RNF4: variants seen among roughly 807,000 people sequenced by gnomAD.
RNF4 encodes the protein ring finger protein 4.
Under a neutral mutation model 24.3 loss-of-function variants are expected in RNF4, and 7 were observed. That is an observed-to-expected ratio of 0.29 (90% confidence interval 0.16 to 0.54). RNF4 has a LOEUF of 0.54. Ranked by LOEUF, RNF4 falls within the 20% of genes least tolerant of loss-of-function variation. RNF4 has a pLI of 0.95. For synonymous variants in RNF4, 83 were observed against 84.3 expected (o/e 0.98, Z 0.09); for missense variants, 209 against 248.5 (o/e 0.84, Z 1.07).
intron 1 of RNF4, among the ~76,000 whole-genome samples, chr4:2,489,433 C>T (rs914758654): frequency 1.3e-5 from 2 of 152,182 alleles, no homozygotes; most frequent in African/African-American, 4.8e-5. Flanking sequence ...TGTTTTGCAA[C>T]TCCATCTCGT....
chr4:2,512,200 A>G lies in RNF4; in HGVS notation c.214+235A>G, dbSNP rs879940812. 1.2e-5 allele frequency: 8 copies of G among 645,624 alleles called. No individual in the cohort carries two copies. Among genetic ancestry groups the G allele is most frequent in the Non-Finnish European group, 2.1e-5 (8 of 373,272 alleles). 40.0% of individuals were successfully genotyped at this position (645,624 alleles called of 1,614,324 possible). A position where few individuals can be genotyped will look rare whatever the true frequency, so the allele number is the denominator to read the frequency against. ...CTATAGTCCTTTCTTGTGGCCTACC[A>G]GATTTTGGAGAAGGCTGGTAGCTCA... On this transcript the variant is annotated intron_variant, in intron 5 of 7. Coordinates refer to ENST00000314289, the MANE Select transcript of RNF4 (RefSeq NM_002938.5). The surrounding 1 kb of genome is among the most constrained non-coding windows in gnomAD (Gnocchi z 4.1).
intron 2 of RNF4, among the ~76,000 whole-genome samples, chr4:2,492,055 A>C (rs201132006): frequency 6.6e-6 from 1 of 151,822 alleles, no homozygotes. Flanking sequence ...AAAATTAGCC[A>C]GGCATAGTTG....
rs569229715 is a variant in RNF4, at chr4:2,513,168, T to A, written c.423+37T>A. On this transcript the variant is annotated intron_variant, in intron 7 of 7. Transcript: ENST00000314289. ...AAGCTGTATCTTCCAGGCTTCTGGT[T>A]TCTAAACTTCACTGAAAGAATTGGA... 2.8e-5 allele frequency: 45 copies of A among 1,590,418 alleles called. 1 individual carries two copies. The South Asian group carries it at 4.9e-4, about 17-fold the overall frequency.
chr4:2,473,534 C>T (rs932785558), intron 1 of RNF4, among the ~76,000 whole-genome samples: 13 of 151,184 alleles, frequency 8.6e-5, no homozygotes, highest in African/African-American at 2.7e-4. Flanking sequence ...AGAGCCTGGC[C>T]GGGCCTGGTG....
intron 2 of RNF4, 150 bp from the exon 3 acceptor site, chr4:2,496,857 C>G: frequency 1.7e-6 from 1 of 582,938 alleles, no homozygotes; most frequent in Non-Finnish European, 3.0e-6. Context: ...ATTCAGTATT[C>G]TTGAATCTCA....
Position 2,490,502 on chromosome 4 carries a change from A to C in RNF4, c.9A>C (p.Thr3=). The C allele has an allele frequency of 6.2e-7, 1 of 1,612,114 alleles. No individual in the cohort carries two copies. Among genetic ancestry groups the C allele is most frequent in the Non-Finnish European group, 8.5e-7 (1 of 1,179,048 alleles). Residue 3 remains threonine (T), a splice_region_variant and synonymous_variant, in exon 2 of 8, where the codon ACA becomes ACC. Coordinates refer to ENST00000314289, the MANE Select transcript of RNF4 (RefSeq NM_002938.5). MS[T]RKRRGGAINS... Reference sequence around the variant, plus strand: ...AGGCACCAAAGAGCACAATGAGTACAGTAAGTTTTATCATCTCTTGAATTT... The same window carrying C: ...AGGCACCAAAGAGCACAATGAGTACCGTAAGTTTTATCATCTCTTGAATTT...
chr4:2,500,598 G>A, intron 3 of RNF4, 61 bp from the exon 4 acceptor site: 1 of 1,539,094 alleles, frequency 6.5e-7, no homozygotes, highest in African/African-American at 1.4e-5. Context: ...CTAAAGTGTA[G>A]AGGGATACAA....
intron 1 of RNF4, among the ~76,000 whole-genome samples, chr4:2,473,685 C>T (rs1734980825): frequency 6.6e-6 from 1 of 152,040 alleles, no homozygotes; most frequent in Non-Finnish European, 1.5e-5. Context: ...GTGGCGCACG[C>T]CTGTAATCCT....
At chr4:2,469,377 C>T (rs1240431868) in intron 1 of RNF4, 119 bp downstream of exon 1, 1 of 152,154 alleles carries the variant, frequency 6.6e-6, no homozygotes, top group Non-Finnish European at 1.5e-5. Context: ...CTTTGCAGCC[C>T]GGGACCTCGA....
chr4:2,500,402 C>T (rs1236942896), intron 3 of RNF4, among the ~76,000 whole-genome samples: 1 of 152,156 alleles, frequency 6.6e-6, no homozygotes, highest in Non-Finnish European at 1.5e-5. Flanking sequence ...GAGGTATGCA[C>T]ATGCGCACAC....
At chr4:2,470,510 C>A (rs903912262) in intron 1 of RNF4, among the ~76,000 whole-genome samples, 1 of 152,214 alleles carries the variant, frequency 6.6e-6, no homozygotes, top group Non-Finnish European at 1.5e-5. Flanking sequence ...TACTTTAACA[C>A]ATCGTTTATT....
chr4:2,495,697 A>G (rs1016391092), intron 2 of RNF4, among the ~76,000 whole-genome samples: 6 of 151,970 alleles, frequency 3.9e-5, no homozygotes, highest in African/African-American at 4.8e-5. Context: ...CAATGGCACA[A>G]TCTCGGCTCA....
chr4:2,508,674 A>T (rs947137545), intron 4 of RNF4, among the ~76,000 whole-genome samples: 1 of 151,970 alleles, frequency 6.6e-6, no homozygotes, highest in Non-Finnish European at 1.5e-5. Context: ...GCAGTGGTGC[A>T]ATCTCGGCTC....
chr4:2,511,672 T>TGGTGTG (rs1363952023), intron 4 of RNF4, among the ~76,000 whole-genome samples: 4 of 151,870 alleles, frequency 2.6e-5, no homozygotes, highest in Non-Finnish European at 5.9e-5. Flanking sequence ...AGTCAGCACA[T>TGGTGTG]GGTGTGGCTG....
rs1318099734 is a variant in RNF4 at position 2,514,011 on chromosome 4, C to G, written c.*192C>G. On this transcript the variant is annotated 3_prime_UTR_variant, in exon 8 of 8. Coordinates refer to ENST00000314289, the MANE Select transcript of RNF4 (RefSeq NM_002938.5). Reference sequence around the variant, plus strand: ...GATGCTATGGCGCTGGACCCAGGGCCCTCCCAGGCCATCTCTGTTCCTCTG... The same window carrying G: ...GATGCTATGGCGCTGGACCCAGGGCGCTCCCAGGCCATCTCTGTTCCTCTG... 68 of 694,840 alleles carry G rather than the reference C, an allele frequency of 9.8e-5. No homozygotes were observed. The Admixed American group carries it at 1.9e-3, about 20-fold the overall frequency. The allele number at this position is 694,840 out of a possible 1,614,324, so 43.0% of individuals were successfully genotyped here.
intron 4 of RNF4, among the ~76,000 whole-genome samples, chr4:2,502,460 C>T (rs574922524): frequency 1.7e-4 from 26 of 152,062 alleles, no homozygotes; most frequent in African/African-American, 6.0e-4. Flanking sequence ...CCGAGGTGGG[C>T]GGACCACAAG....
chr4:2,484,247 T>TC (rs1735339411), intron 1 of RNF4, among the ~76,000 whole-genome samples: 1 of 151,892 alleles, frequency 6.6e-6, no homozygotes, highest in East Asian at 1.9e-4. Context: ...TTAGAGCATC[T>TC]CCCTGTGGAC....
chr4:2,470,113 C>T (rs1409841304), intron 1 of RNF4: 2 of 152,264 alleles, frequency 1.3e-5, no homozygotes, highest in Non-Finnish European at 2.9e-5. Context: ...AATCTTCGTT[C>T]TGTTTCTGCA....
chr4:2,505,596 A>G (rs1259598038), intron 4 of RNF4: 1 of 150,962 alleles, frequency 6.6e-6, no homozygotes, highest in Non-Finnish European at 1.5e-5. Context: ...AAGTGCTGGG[A>G]TTATAGGTGT....
Sources: allele counts gnomAD v4.1 joint callset (sites outside exome capture counted in the v4.1 genomes callset), GRCh38; gene constraint gnomAD v4.1.1; non-coding constraint Gnocchi (gnomAD v3.1); transcripts MANE v1.5; gene names NCBI Gene and HGNC (gene_info 2026-07-23, HGNC 2026-07-21).